The following RSRC1 variants were observed in gnomAD, a reference collection of about 807,000 sequenced individuals.
RSRC1 encodes arginine and serine rich coiled-coil 1.
Under a neutral mutation model 49.1 loss-of-function variants are expected in RSRC1, and 39 were observed. That is an observed-to-expected ratio of 0.79 (90% CI 0.61 to 1.04). The LOEUF (loss-of-function observed/expected upper bound fraction) is 1.04. RSRC1 is among the 50% of genes least tolerant of loss of function. The pLI, the probability that RSRC1 is intolerant of heterozygous loss-of-function variation, is 0.00. For missense variants in RSRC1, 388 were observed against 402.4 expected, an observed-to-expected ratio of 0.96 and a Z score of 0.31; for synonymous variants, 143 against 130.8, an observed-to-expected ratio of 1.09 and a Z score of -0.63.
chr3:158,153,273 TTGGAGACAC>T (rs1441743610), intron 3 of RSRC1, among the ~76,000 whole-genome samples: 18 of 152,206 alleles, frequency 1.2e-4, no homozygotes, highest in Admixed American at 1.2e-3. Flanking sequence ...CTCTTTCTCT[TTGGAGACAC>T]TTGAGGATGG....
chr3:158,458,888 A>G (rs1222502613), intron 6 of RSRC1, among the ~76,000 whole-genome samples: 3 of 152,172 alleles, frequency 2.0e-5, no homozygotes, highest in Non-Finnish European at 4.4e-5. Context: ...TTAAATCATA[A>G]TATTATAAAG....
intron 6 of RSRC1, among the ~76,000 whole-genome samples, chr3:158,366,108 C>G (rs965973021): frequency 4.6e-5 from 7 of 152,154 alleles, no homozygotes; most frequent in African/African-American, 1.7e-4. Flanking sequence ...TCTGTTCACT[C>G]TGATGATAGT....
intron 7 of RSRC1, among the ~76,000 whole-genome samples, chr3:158,518,269 A>G (rs1740713597): frequency 6.7e-6 from 1 of 148,880 alleles, no homozygotes; most frequent in African/African-American, 2.5e-5. Flanking sequence ...GTGCTAGCCT[A>G]GTAAAATGAA....
chr3:158,289,432 T>C (rs957502710), intron 4 of RSRC1, among the ~76,000 whole-genome samples: 1 of 152,246 alleles, frequency 6.6e-6, no homozygotes, highest in East Asian at 1.9e-4. Flanking sequence ...TGCTCACTAA[T>C]ATTTGTCTAT....
chr3:158,498,815 A>G (rs1739463791), intron 7 of RSRC1, among the ~76,000 whole-genome samples: 1 of 152,062 alleles, frequency 6.6e-6, no homozygotes. Flanking sequence ...ATCACCATTT[A>G]TTGAAAAGGG....
chr3:158,179,947 A>C (rs1482136649), intron 3 of RSRC1, among the ~76,000 whole-genome samples: 3 of 152,184 alleles, frequency 2.0e-5, no homozygotes, highest in Non-Finnish European at 4.4e-5. Flanking sequence ...ATGATATCTC[A>C]TTGTAATTTT....
intron 1 of RSRC1, among the ~76,000 whole-genome samples, chr3:158,118,167 C>T (rs919610636): frequency 6.6e-6 from 1 of 152,094 alleles, no homozygotes; most frequent in African/African-American, 2.4e-5. Flanking sequence ...CGGGGCTGGT[C>T]TCAAACTCCT....
At chr3:158,354,701 G>C (rs1731063506) in intron 5 of RSRC1, among the ~76,000 whole-genome samples, 156 bp from the exon 6 acceptor site, 1 of 152,140 alleles carries the variant, frequency 6.6e-6, no homozygotes, top group Admixed American at 6.5e-5. Flanking sequence ...CATCATATAT[G>C]CAAGTGCAAG....
At chr3:158,180,386 C>T (rs1719505672) in intron 3 of RSRC1, among the ~76,000 whole-genome samples, 2 of 94,370 alleles carry the variant, frequency 2.1e-5, no homozygotes, top group African/African-American at 8.4e-5. Flanking sequence ...AGGTTTAGGT[C>T]GAGGTTCTTT....
At chr3:158,303,108 T>A (rs1470392099) in intron 5 of RSRC1, 1 of 152,130 alleles carries the variant, frequency 6.6e-6, no homozygotes, top group South Asian at 2.1e-4. Context: ...ATTTTTCCAA[T>A]TAAGGAAAAA....
At chr3:158,349,211 G>A (rs1266270131) in intron 5 of RSRC1, among the ~76,000 whole-genome samples, 1 of 151,982 alleles carries the variant, frequency 6.6e-6, no homozygotes, top group East Asian at 1.9e-4. Flanking sequence ...TCCCTTTTCT[G>A]TGCATCCATG....
intron 6 of RSRC1, among the ~76,000 whole-genome samples, chr3:158,439,553 C>G (rs1189612686): frequency 1.3e-5 from 2 of 152,064 alleles, no homozygotes; most frequent in Non-Finnish European, 2.9e-5. Context: ...TCTCAGGAAA[C>G]TATCGCAAGG....
intron 6 of RSRC1, among the ~76,000 whole-genome samples, chr3:158,400,829 T>G (rs1733859157): frequency 6.6e-6 from 1 of 152,042 alleles, no homozygotes; most frequent in Non-Finnish European, 1.5e-5. Context: ...TTATAAAGTC[T>G]ACAGTAGTGT....
intron 5 of RSRC1, among the ~76,000 whole-genome samples, chr3:158,311,969 A>C (rs1349761568): frequency 6.6e-6 from 1 of 152,102 alleles, no homozygotes; most frequent in African/African-American, 2.4e-5. Flanking sequence ...GGTAGCATTG[A>C]GAAAGAGTAT....
intron 7 of RSRC1, among the ~76,000 whole-genome samples, chr3:158,513,139 C>T (rs148536752): frequency 0.013 from 1,897 of 149,848 alleles, 46 homozygotes; most frequent in African/African-American, 0.044. Context: ...CTGGGCAGCA[C>T]TTCCAACACT....
At chr3:158,446,361 T>G (rs1736717041) in intron 6 of RSRC1, among the ~76,000 whole-genome samples, 1 of 152,018 alleles carries the variant, frequency 6.6e-6, no homozygotes, top group Non-Finnish European at 1.5e-5. Context: ...TTACTTTTTT[T>G]GGATATATGA....
intron 1 of RSRC1, among the ~76,000 whole-genome samples, chr3:158,113,605 G>GA (rs1364659154): frequency 2.0e-5 from 3 of 151,956 alleles, no homozygotes; most frequent in African/African-American, 7.3e-5. Flanking sequence ...CTGACCTCGT[G>GA]ATCCACCCCC....
chr3:158,308,863 T>C lies in RSRC1; in HGVS notation c.531+10788T>C, dbSNP rs1246659814. Among the ~76,000 whole-genome samples the C allele has an allele frequency of 1.7e-4, 26 of 151,964 alleles. 1 individual carries two copies. The highest frequency in any genetic ancestry group is 3.8e-4 in the Non-Finnish European group (26 of 67,856). Reference sequence around the variant, plus strand: ...AAGATGAGTTAGCCACCAGATTTTCTCATTTTTCTTCTACATGATTTATGT... The same window carrying C: ...AAGATGAGTTAGCCACCAGATTTTCCCATTTTTCTTCTACATGATTTATGT... On this transcript the variant is annotated intron_variant, in intron 5 of 9. Transcript: ENST00000611884.
At chr3:158,462,664 T>C (rs182726595) in intron 7 of RSRC1, among the ~76,000 whole-genome samples, 2 of 152,140 alleles carry the variant, frequency 1.3e-5, no homozygotes, top group African/African-American at 4.8e-5. Flanking sequence ...CATTTACATG[T>C]TGACAGTTGA....
Sources: allele counts gnomAD v4.1 joint callset (sites outside exome capture counted in the v4.1 genomes callset), GRCh38; gene constraint gnomAD v4.1.1; transcripts MANE v1.5; gene names NCBI Gene and HGNC (gene_info 2026-07-23, HGNC 2026-07-21).